TRIM62: variants seen among roughly 807,000 people sequenced by gnomAD.
TRIM62 encodes the protein E3 ubiquitin-protein ligase TRIM62.
In TRIM62, 39 loss-of-function variants were observed where a neutral mutation model predicts 44.2. The ratio of observed to expected loss-of-function variants is 0.88; its 90% CI spans 0.68 to 1.15. TRIM62 has a LOEUF of 1.15. Among genes scored for constraint, TRIM62 ranks in the 50% most tolerant of loss-of-function variants. The pLI is 0.00. For missense variants in TRIM62, 544 were observed against 665.5 expected (o/e 0.82, Z 2.01); for synonymous variants, 278 against 292.3 (o/e 0.95, Z 0.50).
chr1:33,165,649 G>A lies in TRIM62; in HGVS notation c.409-83C>T. ...GCCCTGACCACTGCCAGGCGCTGGGGGTTAGCCTGGTCTCTGTCCCCAACC... is the reference window on the plus strand; with the variant it reads ...GCCCTGACCACTGCCAGGCGCTGGGAGTTAGCCTGGTCTCTGTCCCCAACC... On this transcript the variant is annotated intron_variant, in intron 1 of 4. Coordinates refer to ENST00000291416, the MANE Select transcript of TRIM62 (RefSeq NM_018207.3). This position sits in a 1 kb window ranked among gnomAD's most constrained non-coding sequence, Gnocchi z 4.0. 1 of 1,222,174 alleles carries A rather than the reference G, an allele frequency of 8.2e-7. No individual in the cohort carries two copies. Among genetic ancestry groups the A allele is most frequent in the Non-Finnish European group, 1.1e-6 (1 of 899,970 alleles). 75.7% of individuals were successfully genotyped at this position (1,222,174 alleles called of 1,614,324 possible). A position where few individuals can be genotyped will look rare whatever the true frequency, so the allele number is the denominator to read the frequency against.
intron 4 of TRIM62, among the ~76,000 whole-genome samples, chr1:33,154,722 C>G (rs538130886): frequency 2.6e-5 from 4 of 151,446 alleles, no homozygotes; most frequent in Admixed American, 2.6e-4. Context: ...CGCCTGAACC[C>G]AGGAGGCAGA....
chr1:33,172,750 A>C (rs1309079280), intron 1 of TRIM62, among the ~76,000 whole-genome samples: 1 of 152,184 alleles, frequency 6.6e-6, no homozygotes, highest in Non-Finnish European at 1.5e-5. Flanking sequence ...AATGTTCCCA[A>C]GGCCAGATCT....
intron 2 of TRIM62, chr1:33,164,197 T>C (rs1645306358): frequency 6.6e-6 from 1 of 152,262 alleles, no homozygotes; most frequent in Non-Finnish European, 1.5e-5. Context: ...TCTGGAATGT[T>C]CTGTGAAGAA....
At position 33,161,853 on chromosome 1, in the gene TRIM62, C is replaced by T. The variant is rs1305776140; in HGVS notation, c.505-1909G>A. ...GAAAGTTCTGCTTTGCCTCCCATCT[C>T]TGTGACTGCTGCCTCTCTGCCTCCC... On this transcript the variant is annotated intron_variant, in intron 2 of 4. Coordinates refer to ENST00000291416, the MANE Select transcript of TRIM62 (RefSeq NM_018207.3). This position sits in a 1 kb window ranked among gnomAD's most constrained non-coding sequence, Gnocchi z 4.3. Among the ~76,000 whole-genome samples, 3 of 152,198 alleles carry T rather than the reference C, an allele frequency of 2.0e-5. No homozygotes were observed. The highest frequency in any genetic ancestry group is 4.4e-5 in the Non-Finnish European group (3 of 68,032).
intron 4 of TRIM62, among the ~76,000 whole-genome samples, chr1:33,155,949 TTGCTTCCTGCTTTAC>T (rs1190983930): frequency 6.6e-6 from 1 of 152,244 alleles, no homozygotes; most frequent in African/African-American, 2.4e-5. Flanking sequence ...GCTGATGATC[TTGCTTCCTGCTTTAC>T]TGAGAAAGGT....
At chr1:33,173,085 T>G (rs1012804923) in intron 1 of TRIM62, among the ~76,000 whole-genome samples, 1 of 152,160 alleles carries the variant, frequency 6.6e-6, no homozygotes, top group Admixed American at 6.5e-5. Context: ...AACTTGAACT[T>G]GCCTCTCCCT....
chr1:33,156,729 T>C (rs1645183733), intron 4 of TRIM62, among the ~76,000 whole-genome samples: 1 of 152,184 alleles, frequency 6.6e-6, no homozygotes, highest in Non-Finnish European at 1.5e-5. Flanking sequence ...TGGCTTGTCA[T>C]CCCTACTGCC....
In TRIM62 at chr1:33,147,170, G is replaced by C; in HGVS notation, c.*7C>G. ...TCCCAGGAGGTTGTGGTCTCCTTCT[G>C]CCTGGACTAGATGCGGACGGTGTTG... On this transcript the variant is annotated 3_prime_UTR_variant, in exon 5 of 5. Coordinates refer to ENST00000291416, the MANE Select transcript of TRIM62 (RefSeq NM_018207.3). The surrounding 1 kb of genome is among the most constrained non-coding windows in gnomAD (Gnocchi z 8.1). 6.2e-7 allele frequency: 1 copy of C among 1,612,138 alleles called. No homozygotes were observed. Among genetic ancestry groups the C allele is most frequent in the Non-Finnish European group, 8.5e-7 (1 of 1,179,082 alleles).
intron 1 of TRIM62, among the ~76,000 whole-genome samples, chr1:33,178,629 G>T (rs2147991758): frequency 6.6e-6 from 1 of 152,264 alleles, no homozygotes; most frequent in Non-Finnish European, 1.5e-5. Flanking sequence ...CAAAAGTCCT[G>T]GTAGGAAGGA....
At chr1:33,148,680 A>G (rs184164666) in intron 4 of TRIM62, among the ~76,000 whole-genome samples, 6 of 152,360 alleles carry the variant, frequency 3.9e-5, no homozygotes, top group South Asian at 2.1e-4. Context: ...ATCTATGTAC[A>G]TATACACACA....
intron 1 of TRIM62, 72 bp downstream of exon 1, chr1:33,180,953 T>TGGGGGGGGGG: frequency 9.7e-6 from 7 of 724,328 alleles, no homozygotes; most frequent in Non-Finnish European, 1.4e-5. Flanking sequence ...GGTCCAGCCC[T>TGGGGGGGGGG]GACCCCACCC....
chr1:33,171,813 G>A (rs779248975), intron 1 of TRIM62, among the ~76,000 whole-genome samples: 2 of 152,036 alleles, frequency 1.3e-5, no homozygotes, highest in East Asian at 1.9e-4. Flanking sequence ...ACAGAATCTC[G>A]CTCTGTAACC....
intron 1 of TRIM62, among the ~76,000 whole-genome samples, chr1:33,169,650 C>T (rs1202511139): frequency 3.9e-5 from 6 of 152,158 alleles, no homozygotes; most frequent in African/African-American, 1.4e-4. Context: ...TTCTCCAGTC[C>T]TAGCTCTTGG....
chr1:33,168,962 T>C (rs1028658183), intron 1 of TRIM62, among the ~76,000 whole-genome samples: 2 of 152,192 alleles, frequency 1.3e-5, no homozygotes, highest in African/African-American at 2.4e-5. Flanking sequence ...GGACATTTCC[T>C]CCCTGATTTT....
intron 4 of TRIM62, among the ~76,000 whole-genome samples, chr1:33,148,082 G>T (rs1645045157): frequency 6.6e-6 from 1 of 152,168 alleles, no homozygotes; most frequent in East Asian, 1.9e-4. Context: ...GCTTCCAGAT[G>T]ATCCAGTTGC....
In TRIM62 at chr1:33,159,881, G is replaced by A. The variant is rs759505083; in HGVS notation, c.568C>T (p.Arg190Cys). ...EAFERLHRLLRERQKAMLEEL... is the reference protein window; with the variant it reads ...EAFERLHRLLCERQKAMLEEL... ...TCTAGCATGGCCTTCTGGCGTTCACGCAGCAGCCGGTGCAGCCGCTCGAAG... is the reference window on the plus strand; with the variant it reads ...TCTAGCATGGCCTTCTGGCGTTCACACAGCAGCCGGTGCAGCCGCTCGAAG... The change falls in exon 3 of 5, where the codon CGT becomes TGT. Residue 190 changes from arginine (R) to cysteine (C), a missense_variant. Transcript: ENST00000291416. This position sits in a 1 kb window ranked among gnomAD's most constrained non-coding sequence, Gnocchi z 4.2. The A allele has an allele frequency of 3.1e-6, 5 of 1,611,672 alleles. No individual in the cohort carries two copies. The highest frequency in any genetic ancestry group is 1.3e-5 in the African/African-American group (1 of 75,064).
rs745775866 is a variant in TRIM62 at position 33,158,347 on chromosome 1, C to T, written c.783G>A (p.Glu261=). 161 of 1,613,682 alleles carry T rather than the reference C, an allele frequency of 1.0e-4. 1 individual carries two copies. The highest frequency in any genetic ancestry group is 1.3e-4 in the Non-Finnish European group (155 of 1,179,792). Residue 261 remains glutamate (E), a synonymous_variant, in exon 4 of 5, where the codon GAG becomes GAA. Coordinates refer to ENST00000291416, the MANE Select transcript of TRIM62 (RefSeq NM_018207.3). Reference sequence around the variant, plus strand: ...GGAAGTCTTCATATGTGAGGTTGGTCTCATGGATTTTTCCCTTGAGCCTGG... The same window carrying T: ...GGAAGTCTTCATATGTGAGGTTGGTTTCATGGATTTTTCCCTTGAGCCTGG... ...LSERLKGKIH[E]TNLTYEDFPT...
chr1:33,152,998 T>C (rs953407711), intron 4 of TRIM62, among the ~76,000 whole-genome samples: 1 of 123,062 alleles, frequency 8.1e-6, no homozygotes, highest in Admixed American at 1.1e-4. Context: ...AAGGTCACAG[T>C]TGGAGGAGAG....
Position 33,158,305 on chromosome 1 carries a change from T to A in TRIM62, c.825A>T (p.Thr275=). Residue 275 remains threonine (T), a synonymous_variant, in exon 4 of 5, where the codon ACA becomes ACT. Coordinates refer to ENST00000291416, the MANE Select transcript of TRIM62 (RefSeq NM_018207.3). ...TCCAGATGGTGTACTGCAGGGGGCC[T>A]GTGTACTTGGAGGTCGGGAAGTCTT... ...TYEDFPTSKY[T]GPLQYTIWKS... 6.2e-7 allele frequency: 1 copy of A among 1,613,994 alleles called. No individual in the cohort carries two copies.
Sources: allele counts gnomAD v4.1 joint callset (sites outside exome capture counted in the v4.1 genomes callset), GRCh38; gene constraint gnomAD v4.1.1; non-coding constraint Gnocchi (gnomAD v3.1); transcripts MANE v1.5; gene names NCBI Gene and HGNC (gene_info 2026-07-23, HGNC 2026-07-21).